Variants in RASGRP4 observed in about 807,000 individuals in gnomAD.
The protein encoded by RASGRP4 is RAS guanyl releasing protein 4, also known as RAS guanyl-releasing protein 4.
In RASGRP4, 52 loss-of-function variants were observed where a neutral mutation model predicts 84.4. The ratio of observed to expected loss-of-function variants is 0.62; its 90% CI spans 0.49 to 0.78. The LOEUF is 0.78. Ranked by LOEUF, RASGRP4 falls within the 30% of genes least tolerant of loss-of-function variation. The probability of loss-of-function intolerance (pLI) is 0.00; values close to 1 mark genes in which losing one functional copy is unlikely to be tolerated. For missense variants in RASGRP4, 760 were observed against 886.9 expected (o/e 0.86, Z 1.82); for synonymous variants, 356 against 359.1 (o/e 0.99, Z 0.10).
chr19:38,415,221 A>G lies in RASGRP4; in HGVS notation c.955-98T>C, dbSNP rs1971450544. 6.8e-6 allele frequency: 8 copies of G among 1,178,618 alleles called. 1 individual carries two copies. The South Asian group carries it at 1.3e-4, about 19-fold the overall frequency. The allele number at this position is 1,178,618 out of a possible 1,614,324, so 73.0% of individuals were successfully genotyped here. Reference sequence around the variant, plus strand: ...TCTAGGCCTTCAGGGACCCAGTGGCATTGTGGAAACCTCTGGAGCCCTTCC... The same window carrying G: ...TCTAGGCCTTCAGGGACCCAGTGGCGTTGTGGAAACCTCTGGAGCCCTTCC... On this transcript the variant is annotated intron_variant, in intron 8 of 16. Transcript: ENST00000615439.
chr19:38,423,117 C>A (rs1971830580), intron 1 of RASGRP4, among the ~76,000 whole-genome samples: 1 of 152,124 alleles, frequency 6.6e-6, no homozygotes, highest in African/African-American at 2.4e-5. Context: ...CCTGGAATCT[C>A]TTCTGTCCTC....
intron 8 of RASGRP4, 123 bp downstream of exon 8, chr19:38,416,929 A>G: frequency 3.0e-6 from 2 of 656,600 alleles, no homozygotes; most frequent in Non-Finnish European, 5.6e-6. Flanking sequence ...TGGGATTTGG[A>G]GGAGCAAGGA....
intron 4 of RASGRP4, 47 bp from the exon 5 acceptor site, chr19:38,420,309 G>A: frequency 1.3e-6 from 2 of 1,596,984 alleles, no homozygotes; most frequent in Non-Finnish European, 1.7e-6. Context: ...GGTGGCGAAG[G>A]TCTCTACAAG....
rs1037938664 is a variant in RASGRP4 at position 38,417,248 on chromosome 19, G to A, written c.838-80C>T. 2.2e-6 allele frequency: 2 copies of A among 907,628 alleles called. No homozygotes were observed. The highest frequency in any genetic ancestry group is 4.0e-5 in the Admixed American group (2 of 49,768). 56.2% of individuals were successfully genotyped at this position (907,628 alleles called of 1,614,324 possible). On this transcript the variant is annotated intron_variant, in intron 7 of 16. Coordinates refer to ENST00000615439, the MANE Select transcript of RASGRP4 (RefSeq NM_170604.3). This position sits in a 1 kb window ranked among gnomAD's most constrained non-coding sequence, Gnocchi z 5.1. The stretch of plus-strand genomic sequence containing the variant: ...GTTCAGATGACAGCATCCCAGTTGA[G>A]GTGGGGTCCCAGGCATGTGTGGACC...
intron 6 of RASGRP4, 140 bp downstream of exon 6, chr19:38,419,720 A>G (rs563519265): frequency 4.5e-6 from 4 of 883,260 alleles, no homozygotes; most frequent in Admixed American, 2.7e-5. Flanking sequence ...ACCTTCTAGC[A>G]TACAGGTTTG....
chr19:38,422,435 C>A (rs997424434), intron 1 of RASGRP4, among the ~76,000 whole-genome samples: 3 of 152,142 alleles, frequency 2.0e-5, no homozygotes, highest in Non-Finnish European at 2.9e-5. Context: ...GGGTCCCCAG[C>A]CCCTGGGACA....
rs570585756 is a variant in RASGRP4, at chr19:38,418,131, G to A, written c.837+260C>T. On this transcript the variant is annotated intron_variant, in intron 7 of 16. Coordinates refer to ENST00000615439, the MANE Select transcript of RASGRP4 (RefSeq NM_170604.3). The surrounding 1 kb of genome is among the most constrained non-coding windows in gnomAD (Gnocchi z 4.6). The stretch of plus-strand genomic sequence containing the variant: ...AGACACTCTCATTGACCTGGGGATA[G>A]AATATTCGGGCATAGGGCTTGGGAG... 1.4e-4 allele frequency among the ~76,000 whole-genome samples: 22 copies of A among 152,250 alleles called. No individual in the cohort carries two copies. The highest frequency in any genetic ancestry group is 9.8e-4 in the Admixed American group (15 of 15,296).
chr19:38,423,930 G>C (rs993000947), intron 1 of RASGRP4, among the ~76,000 whole-genome samples: 1 of 152,054 alleles, frequency 6.6e-6, no homozygotes, highest in South Asian at 2.1e-4. Context: ...AGGGGAAGAG[G>C]GTAATGGAGA....
chr19:38,422,942 G>C (rs1013418279), intron 1 of RASGRP4, among the ~76,000 whole-genome samples: 13 of 151,920 alleles, frequency 8.6e-5, no homozygotes, highest in African/African-American at 2.9e-4. Context: ...AATCACAGTA[G>C]AAGACCCCTG....
rs1971248653 is a variant in RASGRP4, at chr19:38,411,338, C to T, written c.1717+7G>A. 1.9e-6 allele frequency: 3 copies of T among 1,605,154 alleles called. No individual in the cohort carries two copies. Among genetic ancestry groups the T allele is most frequent in the Admixed American group, 1.7e-5 (1 of 58,628 alleles). On this transcript the variant is annotated splice_region_variant and intron_variant, in intron 14 of 16. Transcript: ENST00000615439. ...GCTTCCCTCCCACTCACTGACACCCCACTCACCCCGACAGCGGTAGCCTTG... is the reference window on the plus strand; with the variant it reads ...GCTTCCCTCCCACTCACTGACACCCTACTCACCCCGACAGCGGTAGCCTTG...
At chr19:38,419,756 G>A (rs747655766) in intron 6 of RASGRP4, 104 bp downstream of exon 6, 23 of 1,142,386 alleles carry the variant, frequency 2.0e-5, no homozygotes, top group Admixed American at 7.4e-5. Flanking sequence ...GATCTCTGCC[G>A]AATGACCATG....
intron 5 of RASGRP4, 24 bp from the exon 6 acceptor site, chr19:38,420,037 AT>A (rs1417308616): frequency 6.2e-7 from 1 of 1,611,690 alleles, no homozygotes; most frequent in East Asian, 2.2e-5. Flanking sequence ...GGGGCAGGGT[AT>A]TGGAGTGGCT....
In RASGRP4 at chr19:38,412,607, G is replaced by A. The variant is rs1971307272; in HGVS notation, c.1680+65C>T. 6.6e-7 allele frequency: 1 copy of A among 1,506,798 alleles called. No homozygotes were observed. Among genetic ancestry groups the A allele is most frequent in the Non-Finnish European group, 9.0e-7 (1 of 1,109,260 alleles). The allele number at this position is 1,506,798 out of a possible 1,614,324, so 93.3% of individuals were successfully genotyped here. A position where few individuals can be genotyped will look rare whatever the true frequency, so the allele number is the denominator to read the frequency against. On this transcript the variant is annotated intron_variant, in intron 13 of 16. Transcript: ENST00000615439. This position sits in a 1 kb window ranked among gnomAD's most constrained non-coding sequence, Gnocchi z 4.6. The stretch of plus-strand genomic sequence containing the variant: ...TTTCTGGAATTTGGGGGTTATCTGG[G>A]GTTTGCGGACTGCCGGCTTCAGGAC...
intron 1 of RASGRP4, among the ~76,000 whole-genome samples, chr19:38,422,602 T>C (rs77974497): frequency 6.7e-6 from 1 of 148,318 alleles, no homozygotes; most frequent in Non-Finnish European, 1.5e-5. Flanking sequence ...GGCTGCGTGC[T>C]GTTTATGATG....
rs1971120548 is a variant in RASGRP4, at chr19:38,409,352, TCTC to T, written c.*685_*687del. ...GAATGACATTGATAGAAATCCCTGT[TCTC>T]CTGGAGTTGATGCTCCTGTTGAGGA... is the stretch of plus-strand genomic sequence containing the variant. On this transcript the variant is annotated 3_prime_UTR_variant, in exon 17 of 17. Coordinates refer to ENST00000615439, the MANE Select transcript of RASGRP4 (RefSeq NM_170604.3). 6.5e-6 allele frequency: 1 copy of T among 153,212 alleles called. No homozygotes were observed. The highest frequency in any genetic ancestry group is 2.4e-5 in the African/African-American group (1 of 41,358). The allele number at this position is 153,212 out of a possible 1,614,324, so 9.5% of individuals were successfully genotyped here. A position where few individuals can be genotyped will look rare whatever the true frequency, so the allele number is the denominator to read the frequency against.
rs370065961 is a variant in RASGRP4, at chr19:38,413,188, C to T, written c.1416+5G>A. ...CTGGCGGCCGGGCCACCCTCCCCTC[C>T]TTACCTCCACCAGCTGCTCCACATG... On this transcript the variant is annotated splice_donor_5th_base_variant and intron_variant, in intron 11 of 16. Transcript: ENST00000615439. The surrounding 1 kb of genome is among the most constrained non-coding windows in gnomAD (Gnocchi z 4.7). 6.2e-7 allele frequency: 1 copy of T among 1,612,616 alleles called. No individual in the cohort carries two copies. Among genetic ancestry groups the T allele is most frequent in the Non-Finnish European group, 8.5e-7 (1 of 1,179,384 alleles).
intron 8 of RASGRP4, among the ~76,000 whole-genome samples, chr19:38,415,653 G>A (rs960843527): frequency 3.3e-5 from 5 of 151,910 alleles, no homozygotes; most frequent in South Asian, 2.1e-4. Flanking sequence ...GATTACAGGC[G>A]TTAGCCATCA....
At chr19:38,410,125 G>A (rs773240089) in intron 16 of RASGRP4, 29 bp from the exon 17 acceptor site, 1 of 1,586,424 alleles carries the variant, frequency 6.3e-7, no homozygotes, top group Non-Finnish European at 8.6e-7. Context: ...GAAGAAAGAT[G>A]ACAGATGATG....
Position 38,420,916 on chromosome 19 carries a change from G to A in RASGRP4, c.369C>T (p.His123=). The change falls in exon 4 of 17, where the codon CAC becomes CAT. Residue 123 remains histidine, a synonymous_variant. Coordinates refer to ENST00000615439, the MANE Select transcript of RASGRP4 (RefSeq NM_170604.3). ...TCTCGGCCCAGCCCTACCTGACCAG[G>A]TGACAGATCTGCAGCCGTCTCAGCT... is the stretch of plus-strand genomic sequence containing the variant. The part of the protein sequence containing the change: ...TQELRRLQIC[H]LVRYWLMRHP... 6.2e-7 allele frequency: 1 copy of A among 1,604,142 alleles called. No individual in the cohort carries two copies. Among genetic ancestry groups the A allele is most frequent in the Non-Finnish European group, 8.5e-7 (1 of 1,175,692 alleles).
Sources: allele counts gnomAD v4.1 joint callset (sites outside exome capture counted in the v4.1 genomes callset), GRCh38; gene constraint gnomAD v4.1.1; non-coding constraint Gnocchi (gnomAD v3.1); transcripts MANE v1.5; gene names NCBI Gene and HGNC (gene_info 2026-07-23, HGNC 2026-07-21).